The following GOLGA3 variants were observed in gnomAD, a reference collection of about 807,000 sequenced individuals.
GOLGA3 encodes the protein golgin subfamily A member 3.
GOLGA3 carries 75 observed loss-of-function variants against 169.4 expected under a neutral mutation model. That is an observed-to-expected ratio of 0.44 (90% confidence interval 0.37 to 0.54). The LOEUF is 0.54. GOLGA3 is among the 20% of genes least tolerant of loss of function. GOLGA3 has a pLI of 0.00. For synonymous variants in GOLGA3, 824 were observed against 822.4 expected (o/e 1.00, Z -0.03); for missense variants, 1,899 against 1,930.0 (o/e 0.98, Z 0.30).
intron 17 of GOLGA3, 26 bp from the exon 18 acceptor site, chr12:132,780,940 TAAGG>T (rs2045566412): frequency 1.3e-6 from 2 of 1,549,348 alleles, no homozygotes; most frequent in Non-Finnish European, 1.8e-6. Context: ...GGAGGACAGA[TAAGG>T]AAGGACGTCG....
chr12:132,818,064 G>A lies in GOLGA3; in HGVS notation c.134-1252C>T, dbSNP rs151279195. Reference sequence around the variant, plus strand: ...ACCCTCCACACCTGTACGCTCTAACGTGAACCCGCCCTCCACACCTCCACG... The same window carrying A: ...ACCCTCCACACCTGTACGCTCTAACATGAACCCGCCCTCCACACCTCCACG... On this transcript the variant is annotated intron_variant, in intron 2 of 23. Transcript: ENST00000450791. 1.4e-4 allele frequency among the ~76,000 whole-genome samples: 20 copies of A among 140,294 alleles called. No homozygotes were observed. In the South Asian group the frequency reaches 1.7e-3, roughly 12 times the overall value. 92.0% of individuals were successfully genotyped at this position (140,294 alleles called of 152,430 possible). A position where few individuals can be genotyped will look rare whatever the true frequency, so the allele number is the denominator to read the frequency against.
intron 10 of GOLGA3, 28 bp from the exon 11 acceptor site, chr12:132,796,248 T>A (rs1436322136): frequency 6.4e-7 from 1 of 1,562,924 alleles, no homozygotes; most frequent in Non-Finnish European, 8.7e-7. Context: ...CCCACATGGC[T>A]GCGCCTGACC....
chr12:132,808,842 C>CTGTAGG (rs1949555908), intron 4 of GOLGA3, among the ~76,000 whole-genome samples: 2 of 152,124 alleles, frequency 1.3e-5, no homozygotes, highest in African/African-American at 4.8e-5. Context: ...ACCTCCTCAT[C>CTGTAGG]AGACTTCTGT....
chr12:132,807,694 G>A (rs867968936), intron 5 of GOLGA3, among the ~76,000 whole-genome samples, 197 bp downstream of exon 5: 8 of 152,172 alleles, frequency 5.3e-5, no homozygotes, highest in African/African-American at 1.9e-4. Flanking sequence ...CTGTTCCAGT[G>A]CGGAGAGCCG....
chr12:132,793,647 G>A (rs1219156951), intron 11 of GOLGA3, among the ~76,000 whole-genome samples: 1 of 34,774 alleles, frequency 2.9e-5, no homozygotes, highest in Non-Finnish European at 5.1e-5. Flanking sequence ...CAGACCCACC[G>A]CACGGGACCC....
rs1430951529 is a variant in GOLGA3, at chr12:132,801,958, G to A, written c.1609C>T (p.Arg537Ter). The part of the protein sequence containing the change: ...LSKDNTVHDL[R>*]QQMTALQSQL... The stretch of plus-strand genomic sequence containing the variant: ...CTCTGCAAGGCTGTCATCTGCTGTC[G>A]CAGGTCGTGCACTGAAATGGGGCAA... Residue 537 changes from arginine (R) to a stop codon, truncating the protein, a stop_gained, in exon 8 of 24, where the codon CGA (arginine) becomes TGA (stop). Transcript: ENST00000450791. LOFTEE classifies it high-confidence loss of function. 1.3e-6 allele frequency: 2 copies of A among 1,597,460 alleles called. No individual in the cohort carries two copies. The highest frequency in any genetic ancestry group is 8.5e-7 in the Non-Finnish European group (1 of 1,177,858).
chr12:132,818,136 CCA>C (rs1566142622), intron 2 of GOLGA3, among the ~76,000 whole-genome samples: 3 of 143,772 alleles, frequency 2.1e-5, no homozygotes, highest in African/African-American at 5.3e-5. Flanking sequence ...TAAGGTGAAC[CCA>C]CCCTCCACTC....
At chr12:132,797,649 T>G (rs1948916126) in intron 9 of GOLGA3, among the ~76,000 whole-genome samples, 1 of 151,668 alleles carries the variant, frequency 6.6e-6, no homozygotes, top group African/African-American at 2.4e-5. Flanking sequence ...TAGGCAGAGG[T>G]TGCAGTGAGC....
intron 11 of GOLGA3, among the ~76,000 whole-genome samples, chr12:132,792,855 C>G (rs112457390): frequency 8.7e-6 from 1 of 114,896 alleles, no homozygotes; most frequent in Non-Finnish European, 1.8e-5. Flanking sequence ...CCACACGGGA[C>G]CTGCACTCGG....
intron 11 of GOLGA3, among the ~76,000 whole-genome samples, chr12:132,792,264 G>A (rs568186520): frequency 6.6e-6 from 1 of 152,330 alleles, no homozygotes; most frequent in South Asian, 2.1e-4. Context: ...GAGAGGGGAT[G>A]AGGCCAGGGG....
intron 11 of GOLGA3, among the ~76,000 whole-genome samples, chr12:132,794,390 A>G (rs1014961909): frequency 2.6e-5 from 4 of 151,352 alleles, no homozygotes; most frequent in Non-Finnish European, 5.9e-5. Context: ...CGACAAGGCC[A>G]GGCAGAGTGG....
At chr12:132,803,052 T>A (rs1235794768) in intron 7 of GOLGA3, among the ~76,000 whole-genome samples, 1 of 132,858 alleles carries the variant, frequency 7.5e-6, no homozygotes, top group Non-Finnish European at 1.6e-5. Context: ...TGAAACTCCG[T>A]CTCAAAAACA....
At position 132,808,566 on chromosome 12, in the gene GOLGA3, A is replaced by T. The variant is rs755607864; in HGVS notation, c.520-17T>A. 1 of 1,552,486 alleles carries T rather than the reference A, an allele frequency of 6.4e-7. No individual in the cohort carries two copies. Among genetic ancestry groups the T allele is most frequent in the Non-Finnish European group, 8.7e-7 (1 of 1,150,318 alleles). On this transcript the variant is annotated splice_polypyrimidine_tract_variant and intron_variant, in intron 4 of 23. Transcript: ENST00000450791. ...TTGACTGGACTGAGAAGAAAACAAAAGTACAAAAATTACATTTAAAATCCA... is the reference window on the plus strand; with the variant it reads ...TTGACTGGACTGAGAAGAAAACAAATGTACAAAAATTACATTTAAAATCCA...
chr12:132,811,155 C>A (rs1949687326), intron 4 of GOLGA3, among the ~76,000 whole-genome samples: 1 of 152,298 alleles, frequency 6.6e-6, no homozygotes, highest in Non-Finnish European at 1.5e-5. Flanking sequence ...AACAGCACAG[C>A]CTGACATTCG....
At chr12:132,811,476 A>ATTTTTTTT (rs202026810) in intron 4 of GOLGA3, among the ~76,000 whole-genome samples, 1 of 151,076 alleles carries the variant, frequency 6.6e-6, no homozygotes, top group Admixed American at 6.6e-5. Flanking sequence ...TCATACTTGC[A>ATTTTTTTT]TTTTTATTTT....
At chr12:132,781,638 A>G (rs1316770000) in intron 17 of GOLGA3, among the ~76,000 whole-genome samples, 1 of 152,110 alleles carries the variant, frequency 6.6e-6, no homozygotes, top group Non-Finnish European at 1.5e-5. Context: ...CGGGTACAAA[A>G]AGAACAGAAG....
intron 4 of GOLGA3, among the ~76,000 whole-genome samples, chr12:132,811,553 T>G (rs1316636955): frequency 1.3e-5 from 2 of 152,026 alleles, no homozygotes; most frequent in East Asian, 1.9e-4. Context: ...CTCTGCCGCC[T>G]GGGTTCAAGC....
At chr12:132,797,355 G>A (rs1189370563) in intron 9 of GOLGA3, among the ~76,000 whole-genome samples, 3 of 152,046 alleles carry the variant, frequency 2.0e-5, no homozygotes, top group Non-Finnish European at 2.9e-5. Context: ...TCCATACACT[G>A]CCTTGGGGTT....
intron 22 of GOLGA3, 92 bp from the exon 23 acceptor site, chr12:132,774,412 C>CCAGT: frequency 7.0e-7 from 1 of 1,436,508 alleles, no homozygotes; most frequent in Non-Finnish European, 9.6e-7. Context: ...GCCTCCCCAA[C>CCAGT]TGGTGGACGT....
Sources: gnomAD v4.1 joint callset for allele counts (sites outside exome capture counted in the v4.1 genomes callset) on GRCh38, gnomAD v4.1.1 for gene constraint, MANE v1.5 for transcripts, NCBI Gene and HGNC (gene_info 2026-07-23, HGNC 2026-07-21) for gene names.